KLHL1: variants seen among roughly 807,000 people sequenced by gnomAD.
KLHL1 encodes the protein kelch-like protein 1.
A neutral mutation model predicts 77.7 loss-of-function variants in KLHL1; 47 were observed. That is an observed-to-expected ratio of 0.60 (90% CI 0.48 to 0.77). The LOEUF (loss-of-function observed/expected upper bound fraction) is 0.77, where lower values mean the gene tolerates loss of function less well. Ranked by LOEUF, KLHL1 falls within the 30% of genes least tolerant of loss-of-function variation. KLHL1 has a pLI of 0.00. For synonymous variants in KLHL1, 360 were observed against 325.2 expected (o/e 1.11, Z -1.15); for missense variants, 925 against 910.8 (o/e 1.02, Z -0.20).
intron 4 of KLHL1, among the ~76,000 whole-genome samples, chr13:69,929,700 T>C (rs981446184): frequency 3.3e-5 from 5 of 152,046 alleles, no homozygotes; most frequent in Non-Finnish European, 7.4e-5. Flanking sequence ...AAGAATATAT[T>C]ATGCTAGTTG....
chr13:69,959,997 C>G (rs1884014187), intron 3 of KLHL1, among the ~76,000 whole-genome samples: 1 of 151,682 alleles, frequency 6.6e-6, no homozygotes, highest in African/African-American at 2.4e-5. Flanking sequence ...ATAATTTTGT[C>G]TAGAACGATT....
intron 4 of KLHL1, among the ~76,000 whole-genome samples, chr13:69,890,668 A>T (rs539725449): frequency 1.3e-5 from 2 of 151,536 alleles, no homozygotes; most frequent in African/African-American, 4.9e-5. Context: ...ACACACACAG[A>T]TATATGTATC....
intron 6 of KLHL1, among the ~76,000 whole-genome samples, chr13:69,818,538 T>A (rs1878214238): frequency 6.6e-6 from 1 of 152,252 alleles, no homozygotes; most frequent in African/African-American, 2.4e-5. Flanking sequence ...TTTTTAATTC[T>A]AAAGATGGAT....
chr13:69,839,395 G>A (rs1268883780), intron 5 of KLHL1, among the ~76,000 whole-genome samples: 1 of 151,588 alleles, frequency 6.6e-6, no homozygotes, highest in East Asian at 1.9e-4. Flanking sequence ...TTACCACACA[G>A]AGTAAAAAAA....
intron 1 of KLHL1, among the ~76,000 whole-genome samples, chr13:70,011,836 C>T (rs1178902330): frequency 6.6e-6 from 1 of 152,006 alleles, no homozygotes; most frequent in Admixed American, 6.6e-5. Context: ...ATTTTCATGC[C>T]GTTGATAAAG....
rs140666110 is a variant in KLHL1, at chr13:70,104,420, C to T, written c.497+2783G>A. On this transcript the variant is annotated intron_variant, in intron 1 of 10. Transcript: ENST00000377844. ...CAAGTCTATGATAATTTGACCTTTC[C>T]AGAATTCTGAGATTGTGAGCAACTT... Among the ~76,000 whole-genome samples, 305 of 152,200 alleles carry T rather than the reference C, an allele frequency of 2.0e-3. 4 individuals are homozygous for T. In the East Asian group the frequency reaches 0.044, roughly 22 times the overall value.
intron 5 of KLHL1, among the ~76,000 whole-genome samples, chr13:69,879,567 C>T (rs1285027836): frequency 1.3e-5 from 2 of 152,042 alleles, no homozygotes; most frequent in Admixed American, 6.6e-5. Context: ...TTAATGAATC[C>T]AAGAGCAGCA....
chr13:69,794,306 G>A (rs529030535), intron 7 of KLHL1, among the ~76,000 whole-genome samples: 1 of 152,224 alleles, frequency 6.6e-6, no homozygotes, highest in Non-Finnish European at 1.5e-5. Context: ...GTTTTGATAA[G>A]ACACAAAAAC....
At chr13:69,748,045 C>A (rs1874294764) in intron 7 of KLHL1, among the ~76,000 whole-genome samples, 1 of 152,014 alleles carries the variant, frequency 6.6e-6, no homozygotes, top group African/African-American at 2.4e-5. Flanking sequence ...TACCATCTCT[C>A]TACTGGAGAT....
At chr13:69,705,597 A>T (rs547515402) in intron 10 of KLHL1, among the ~76,000 whole-genome samples, 1 of 151,642 alleles carries the variant, frequency 6.6e-6, no homozygotes, top group African/African-American at 2.4e-5. Context: ...TTTTAAAGGG[A>T]TTTTGTGTGG....
chr13:69,886,384 TTTTTG>T (rs1169783531), intron 4 of KLHL1, among the ~76,000 whole-genome samples: 1 of 151,910 alleles, frequency 6.6e-6, no homozygotes, highest in Non-Finnish European at 1.5e-5. Context: ...ACCAGTTTTT[TTTTTG>T]TTTGTTTAAT....
At chr13:69,916,013 A>G (rs1488383571) in intron 4 of KLHL1, among the ~76,000 whole-genome samples, 2 of 152,226 alleles carry the variant, frequency 1.3e-5, no homozygotes, top group Non-Finnish European at 2.9e-5. Context: ...TGGCCATCAG[A>G]GAGATGCAAA....
At chr13:70,067,282 GAACT>G (rs1462492957) in intron 1 of KLHL1, among the ~76,000 whole-genome samples, 1 of 152,148 alleles carries the variant, frequency 6.6e-6, no homozygotes, top group Non-Finnish European at 1.5e-5. Context: ...GTAATACATT[GAACT>G]AATAGCATTA....
At chr13:69,796,136 T>C (rs1593840222) in intron 7 of KLHL1, among the ~76,000 whole-genome samples, 1 of 152,312 alleles carries the variant, frequency 6.6e-6, no homozygotes, top group African/African-American at 2.4e-5. Flanking sequence ...AGAACTTTAA[T>C]ATGTATCTCA....
At position 70,077,311 on chromosome 13, in the gene KLHL1, C is replaced by T. The variant is rs1424776348; in HGVS notation, c.497+29892G>A. Among the ~76,000 whole-genome samples, 5 of 151,720 alleles carry T rather than the reference C, an allele frequency of 3.3e-5. No individual in the cohort carries two copies. The East Asian group carries it at 5.8e-4, about 18-fold the overall frequency. ...TATGAGCTCTTAAGTCTCAAAAATA[C>T]ATGGAGGAAACTTAAATGTATACTG... On this transcript the variant is annotated intron_variant, in intron 1 of 10. Coordinates refer to ENST00000377844, the MANE Select transcript of KLHL1 (RefSeq NM_020866.3).
chr13:69,991,649 G>T (rs1180957254), intron 1 of KLHL1, among the ~76,000 whole-genome samples: 1 of 150,818 alleles, frequency 6.6e-6, no homozygotes, highest in Admixed American at 6.6e-5. Context: ...GCTCTGAAAT[G>T]GAATCAGTAA....
chr13:69,830,427 C>T (rs1878716834), intron 6 of KLHL1, among the ~76,000 whole-genome samples: 1 of 150,110 alleles, frequency 6.7e-6, no homozygotes, highest in Admixed American at 6.7e-5. Flanking sequence ...GCACTTAACA[C>T]TGGAGGTCCC....
chr13:70,093,402 A>G (rs1314031622), intron 1 of KLHL1, among the ~76,000 whole-genome samples: 1 of 152,202 alleles, frequency 6.6e-6, no homozygotes, highest in African/African-American at 2.4e-5. Flanking sequence ...ACTCTTAGTT[A>G]GAGATAGAGA....
chr13:69,888,787 C>T (rs1337344447), intron 4 of KLHL1, among the ~76,000 whole-genome samples: 1 of 152,054 alleles, frequency 6.6e-6, no homozygotes, highest in African/African-American at 2.4e-5. Context: ...GAAACTAACA[C>T]ACATCATTGG....
Sources: gnomAD v4.1 joint callset for allele counts (sites outside exome capture counted in the v4.1 genomes callset) on GRCh38, gnomAD v4.1.1 for gene constraint, MANE v1.5 for transcripts, NCBI Gene and HGNC (gene_info 2026-07-23, HGNC 2026-07-21) for gene names.